Variants in ELAPOR2 observed in about 807,000 individuals in gnomAD.
ELAPOR2 encodes endosome/lysosome-associated apoptosis and autophagy regulator family member 2.
In ELAPOR2, 89 loss-of-function variants were observed where a neutral mutation model predicts 120.7. That is an observed-to-expected ratio of 0.74 (90% CI 0.62 to 0.88). The LOEUF is 0.88. Ranked by LOEUF, ELAPOR2 falls within the 40% of genes least tolerant of loss-of-function variation. ELAPOR2 has a pLI of 0.00. For missense variants in ELAPOR2, 1,134 were observed against 1,251.6 expected (o/e 0.91, Z 1.42); for synonymous variants, 444 against 444.9 (o/e 1.00, Z 0.03).
At chr7:86,959,968 GTTGT>G (rs1466532119) in intron 2 of ELAPOR2, among the ~76,000 whole-genome samples, 3 of 152,078 alleles carry the variant, frequency 2.0e-5, no homozygotes, top group Non-Finnish European at 4.4e-5. Context: ...TGACCCAATG[GTTGT>G]TTAAGAGTGT....
intron 1 of ELAPOR2, among the ~76,000 whole-genome samples, chr7:87,041,783 G>C (rs930835470): frequency 1.3e-4 from 20 of 151,890 alleles, no homozygotes; most frequent in Admixed American, 9.2e-4. Flanking sequence ...AACGTAAATG[G>C]ACTAAATGCT....
intron 1 of ELAPOR2, among the ~76,000 whole-genome samples, chr7:86,999,385 T>C (rs994294891): frequency 6.6e-6 from 1 of 152,074 alleles, no homozygotes; most frequent in African/African-American, 2.4e-5. Context: ...AATAGTAAAA[T>C]TAAAAATGTA....
intron 2 of ELAPOR2, 40 bp downstream of exon 2, chr7:86,964,864 T>C: frequency 6.5e-6 from 10 of 1,549,740 alleles, no homozygotes; most frequent in Non-Finnish European, 8.7e-6. Context: ...GAGGTAATTG[T>C]TTAATCAAGA....
chr7:86,994,561 C>T (rs1053022199), intron 1 of ELAPOR2, among the ~76,000 whole-genome samples: 9 of 152,118 alleles, frequency 5.9e-5, no homozygotes, highest in Non-Finnish European at 1.0e-4. Context: ...ATGAAGTTTT[C>T]ATTTATGGTT....
chr7:86,984,336 C>G (rs1562955576), intron 1 of ELAPOR2, among the ~76,000 whole-genome samples: 1 of 152,176 alleles, frequency 6.6e-6, no homozygotes, highest in Non-Finnish European at 1.5e-5. Context: ...CCAAGCTGAC[C>G]TAATAGACAT....
rs559731721 is a variant in ELAPOR2, at chr7:86,964,949, C to A, written c.265G>T (p.Val89Leu). 2 of 1,551,606 alleles carry A rather than the reference C, an allele frequency of 1.3e-6. No homozygotes were observed. Among genetic ancestry groups the A allele is most frequent in the Non-Finnish European group, 1.7e-6 (2 of 1,146,888 alleles). The change falls in exon 2 of 22, where the codon GTG (valine) becomes TTG (leucine). Residue 89 changes from valine to leucine, a missense_variant. Transcript: ENST00000450689. The stretch of plus-strand genomic sequence containing the variant: ...GGGTCAGGCAGGCCAGAGCAGTCCA[C>A]TGCAGAATTTGGAATGGCAACTCTC... ...RWRVAIPNSA[V>L]DCSGLPDPVR... is the part of the protein sequence containing the mutation.
intron 1 of ELAPOR2, among the ~76,000 whole-genome samples, chr7:87,036,904 C>T (rs74528687): frequency 0.1 from 15,331 of 152,078 alleles, 833 homozygotes; most frequent in Admixed American, 0.13. Context: ...AGATAACAAA[C>T]GTACAAATGT....
intron 6 of ELAPOR2, 62 bp from the exon 7 acceptor site, chr7:86,939,022 C>T: frequency 6.3e-7 from 1 of 1,578,402 alleles, no homozygotes; most frequent in Non-Finnish European, 8.7e-7. Context: ...CAAATCAGCA[C>T]CTACTTCTGC....
chr7:86,979,943 A>C (rs1157412753), intron 1 of ELAPOR2, among the ~76,000 whole-genome samples: 2 of 152,200 alleles, frequency 1.3e-5, no homozygotes, highest in Non-Finnish European at 2.9e-5. Flanking sequence ...GAAACTAAAA[A>C]TCATGGTTTC....
chr7:86,909,617 A>G (rs1789199096), intron 16 of ELAPOR2, among the ~76,000 whole-genome samples, 195 bp downstream of exon 16: 1 of 152,094 alleles, frequency 6.6e-6, no homozygotes. Context: ...TTAATACATA[A>G]ATGCAGAAGC....
chr7:86,989,240 T>C (rs1421940984), intron 1 of ELAPOR2, among the ~76,000 whole-genome samples: 2 of 152,228 alleles, frequency 1.3e-5, no homozygotes, highest in Admixed American at 6.5e-5. Context: ...GCAGGCTGTA[T>C]GTGCTAGGCT....
rs531702154 is a variant in ELAPOR2 at position 87,043,916 on chromosome 7, A to G, written c.189+15409T>C. Among the ~76,000 whole-genome samples, 3 of 152,034 alleles carry G rather than the reference A, an allele frequency of 2.0e-5. No individual in the cohort carries two copies. In the East Asian group the frequency reaches 5.8e-4, roughly 29 times the overall value. ...TGATAAGCAACTTCAGCGAAGTCTCAGGATACAAAATCAGTGTACAAAAAT... is the reference window on the plus strand; with the variant it reads ...TGATAAGCAACTTCAGCGAAGTCTCGGGATACAAAATCAGTGTACAAAAAT... On this transcript the variant is annotated intron_variant, in intron 1 of 21. Transcript: ENST00000450689.
chr7:86,912,875 A>G, intron 14 of ELAPOR2, 66 bp downstream of exon 14: 1 of 1,543,604 alleles, frequency 6.5e-7, no homozygotes, highest in Non-Finnish European at 8.9e-7. Flanking sequence ...AACATTAAGG[A>G]GAACGCTTGA....
intron 1 of ELAPOR2, among the ~76,000 whole-genome samples, chr7:86,985,545 T>G (rs1792695923): frequency 6.6e-6 from 1 of 152,096 alleles, no homozygotes; most frequent in African/African-American, 2.4e-5. Flanking sequence ...CATACGCAAA[T>G]CAATAAATGT....
At chr7:86,885,375 A>G (rs1326573706) in intron 21 of ELAPOR2, among the ~76,000 whole-genome samples, 2 of 152,162 alleles carry the variant, frequency 1.3e-5, no homozygotes, top group Non-Finnish European at 2.9e-5. Flanking sequence ...CTTTGGGTAG[A>G]CCAAAAACAT....
intron 1 of ELAPOR2, among the ~76,000 whole-genome samples, chr7:87,037,552 T>G (rs898049988): frequency 2.6e-5 from 4 of 152,204 alleles, no homozygotes; most frequent in Non-Finnish European, 5.9e-5. Flanking sequence ...ATGTGTTTAG[T>G]TCTGTTAGTT....
chr7:87,035,544 T>C (rs977556519), intron 1 of ELAPOR2, among the ~76,000 whole-genome samples: 8 of 152,216 alleles, frequency 5.3e-5, no homozygotes, highest in African/African-American at 9.7e-5. Flanking sequence ...TAGTTTCCCG[T>C]GACGTACTTT....
At chr7:87,025,322 A>G (rs1000569787) in intron 1 of ELAPOR2, among the ~76,000 whole-genome samples, 3 of 152,106 alleles carry the variant, frequency 2.0e-5, no homozygotes, top group Admixed American at 2.0e-4. Context: ...ATCCCCCTTC[A>G]GTCAAGAGTA....
chr7:86,895,768 A>G (rs1203520547), intron 19 of ELAPOR2, among the ~76,000 whole-genome samples: 1 of 152,126 alleles, frequency 6.6e-6, no homozygotes, highest in African/African-American at 2.4e-5. Context: ...TGGATAAAAG[A>G]TCATTCAGCT....
Sources: allele counts gnomAD v4.1 joint callset (sites outside exome capture counted in the v4.1 genomes callset), GRCh38; gene constraint gnomAD v4.1.1; transcripts MANE v1.5; gene names NCBI Gene and HGNC (gene_info 2026-07-23, HGNC 2026-07-21).